Variants in CACNA1C observed in about 807,000 individuals in gnomAD.
CACNA1C encodes the protein voltage-dependent L-type calcium channel subunit alpha-1C.
Under a neutral mutation model 229.0 loss-of-function variants are expected in CACNA1C, and 30 were observed. That is an observed-to-expected ratio of 0.13 (90% CI 0.10 to 0.18). The LOEUF is 0.18. CACNA1C is among the 10% of genes least tolerant of loss of function. CACNA1C has a pLI of 1.00. For missense variants in CACNA1C, 1,658 were observed against 2,845.0 expected, an observed-to-expected ratio of 0.58 and a Z score of 9.49; for synonymous variants, 1,114 against 1,132.5, an observed-to-expected ratio of 0.98 and a Z score of 0.33.
intron 3 of CACNA1C, among the ~76,000 whole-genome samples, chr12:2,176,430 C>T (rs768263698): frequency 2.0e-5 from 3 of 152,066 alleles, no homozygotes; most frequent in African/African-American, 7.2e-5. Flanking sequence ...GTCTGACTCA[C>T]GTTTTTAAAG....
Position 2,442,002 on chromosome 12 carries a change from C to T in CACNA1C, c.478-6974C>T, listed in dbSNP as rs370238232. Among the ~76,000 whole-genome samples the T allele has an allele frequency of 1.8e-4, 28 of 152,300 alleles. 1 individual carries two copies. The South Asian group carries it at 4.6e-3, about 25-fold the overall frequency. ...TCTTTGCAGCACTGTAATTTTCTTA[C>T]GTCCTTTTGCACATGAGAAAATAGA... On this transcript the variant is annotated intron_variant, in intron 3 of 46. Transcript: ENST00000399655.
chr12:2,676,161 A>G (rs2096800366), intron 39 of CACNA1C: 1 of 152,234 alleles, frequency 6.6e-6, no homozygotes, highest in South Asian at 2.1e-4. Context: ...CTAGGACTCC[A>G]GGTAGGACTC....
intron 1 of CACNA1C, among the ~76,000 whole-genome samples, chr12:2,016,451 C>T (rs1199837550): frequency 2.6e-5 from 4 of 151,204 alleles, no homozygotes; most frequent in East Asian, 3.9e-4. Context: ...TTTTTTGAGA[C>T]GAAGTTTTAC....
chr12:2,631,689 C>G (rs1169490070), intron 29 of CACNA1C, among the ~76,000 whole-genome samples: 2 of 152,210 alleles, frequency 1.3e-5, no homozygotes, highest in African/African-American at 4.8e-5. Flanking sequence ...GGGAAGCCAA[C>G]AAGAAAGCCC....
chr12:2,512,742 C>G lies in CACNA1C; in HGVS notation c.1218-70C>G. 1.6e-6 allele frequency: 2 copies of G among 1,212,478 alleles called. No individual in the cohort carries two copies. Among genetic ancestry groups the G allele is most frequent in the Non-Finnish European group, 2.3e-6 (2 of 873,666 alleles). 75.1% of individuals were successfully genotyped at this position (1,212,478 alleles called of 1,614,324 possible). A position where few individuals can be genotyped will look rare whatever the true frequency, so the allele number is the denominator to read the frequency against. ...TCCTTATCTCCATCTCTCCTTCCAT[C>G]CTCGACCCTTCTCGGTGCTCCCTCC... On this transcript the variant is annotated intron_variant, in intron 8 of 46. Coordinates refer to ENST00000399655, the MANE Select transcript of CACNA1C (RefSeq NM_000719.7). The surrounding 1 kb of genome is among the most constrained non-coding windows in gnomAD (Gnocchi z 4.3).
chr12:2,184,653 T>G (rs991920957), intron 3 of CACNA1C, among the ~76,000 whole-genome samples: 3 of 152,200 alleles, frequency 2.0e-5, no homozygotes, highest in African/African-American at 7.2e-5. Flanking sequence ...TATTTCTTGC[T>G]TGTCAACCAT....
chr12:2,219,124 A>T (rs1310767918), intron 3 of CACNA1C, among the ~76,000 whole-genome samples: 3 of 152,234 alleles, frequency 2.0e-5, no homozygotes, highest in Non-Finnish European at 4.4e-5. Context: ...CCATCTCCAG[A>T]ACTGCTGTCC....
rs886702662 is a variant in CACNA1C at position 2,275,117 on chromosome 12, T to C, written c.477+154687T>C. On this transcript the variant is annotated intron_variant, in intron 3 of 46. Transcript: ENST00000399655. This position sits in a 1 kb window ranked among gnomAD's most constrained non-coding sequence, Gnocchi z 4.1. ...CTAACAGGTTTCCACATTTCTCTGC[T>C]GTCAGAATGGTTTTGTTTTCTGATT... Among the ~76,000 whole-genome samples, 3 of 152,248 alleles carry C rather than the reference T, an allele frequency of 2.0e-5. No homozygotes were observed. The East Asian group carries it at 5.8e-4, about 29-fold the overall frequency.
chr12:2,548,768 T>C (rs1051684416), intron 9 of CACNA1C, among the ~76,000 whole-genome samples: 1 of 152,166 alleles, frequency 6.6e-6, no homozygotes, highest in Non-Finnish European at 1.5e-5. Flanking sequence ...TCTATCAACA[T>C]TATCCATGCA....
Position 2,493,591 on chromosome 12 carries a change from C to A in CACNA1C, c.1113+205C>A, listed in dbSNP as rs926058405. On this transcript the variant is annotated intron_variant, in intron 7 of 46. Transcript: ENST00000399655. This position sits in a 1 kb window ranked among gnomAD's most constrained non-coding sequence, Gnocchi z 4.6. ...TTTCACCCTAACGAGTCCCCTCCCC[C>A]ACCCGCCAGCCTTAGGGGAAGGTCA... Among the ~76,000 whole-genome samples, 7 of 152,202 alleles carry A rather than the reference C, an allele frequency of 4.6e-5. No homozygotes were observed. The highest frequency in any genetic ancestry group is 1.3e-4 in the Admixed American group (2 of 15,282).
intron 30 of CACNA1C, among the ~76,000 whole-genome samples, chr12:2,636,413 A>G (rs1271397324): frequency 6.6e-6 from 1 of 152,246 alleles, no homozygotes; most frequent in Admixed American, 6.5e-5. Context: ...TATAAAATTT[A>G]TACAGAAAAG....
chr12:2,365,272 AAT>A (rs2097692553), intron 3 of CACNA1C, among the ~76,000 whole-genome samples: 1 of 152,202 alleles, frequency 6.6e-6, no homozygotes, highest in Non-Finnish European at 1.5e-5. Flanking sequence ...TTCTTTAAAC[AAT>A]AGTGTGTGTG....
At chr12:2,271,857 C>G (rs898229190) in intron 3 of CACNA1C, among the ~76,000 whole-genome samples, 1 of 152,272 alleles carries the variant, frequency 6.6e-6, no homozygotes, top group Non-Finnish European at 1.5e-5. Context: ...GATCACACCA[C>G]TGTACTCCAG....
chr12:2,695,927 A>C lies in CACNA1C; in HGVS notation c.*4728A>C, dbSNP rs375486841. ...CTACACAGACACACACCGTTAAGGC[A>C]CAAGGGCTGGGGTTGAGCTCTAGAT... is the stretch of plus-strand genomic sequence containing the variant. On this transcript the variant is annotated 3_prime_UTR_variant, in exon 47 of 47. Coordinates refer to ENST00000399655, the MANE Select transcript of CACNA1C (RefSeq NM_000719.7). 5.2e-5 allele frequency: 8 copies of C among 152,416 alleles called. No individual in the cohort carries two copies. Among genetic ancestry groups the C allele is most frequent in the African/African-American group, 1.9e-4 (8 of 41,568 alleles). The allele number at this position is 152,416 out of a possible 1,614,324, so 9.4% of individuals were successfully genotyped here.
At chr12:2,591,086 G>T (rs888305368) in intron 18 of CACNA1C, among the ~76,000 whole-genome samples, 4 of 152,164 alleles carry the variant, frequency 2.6e-5, no homozygotes, top group Admixed American at 2.6e-4. Context: ...TGTCTTGCTG[G>T]TCAGCTCTAA....
chr12:2,311,165 T>A (rs2095417837), intron 3 of CACNA1C, among the ~76,000 whole-genome samples: 1 of 152,196 alleles, frequency 6.6e-6, no homozygotes, highest in African/African-American at 2.4e-5. Flanking sequence ...TGTCACCTCA[T>A]CTCTGTCTTG....
At chr12:2,627,194 G>A (rs1030332603) in intron 29 of CACNA1C, among the ~76,000 whole-genome samples, 24 of 152,166 alleles carry the variant, frequency 1.6e-4, no homozygotes, top group African/African-American at 5.8e-4. Context: ...ATCACAGGAT[G>A]GGAGCTGACA....
rs1329240639 is a variant in CACNA1C, at chr12:2,630,488, G to T, written c.3829-3809G>T. Among the ~76,000 whole-genome samples the T allele has an allele frequency of 2.6e-5, 4 of 152,088 alleles. No individual in the cohort carries two copies. Among genetic ancestry groups the T allele is most frequent in the Admixed American group, 2.6e-4 (4 of 15,274 alleles). On this transcript the variant is annotated intron_variant, in intron 29 of 46. Coordinates refer to ENST00000399655, the MANE Select transcript of CACNA1C (RefSeq NM_000719.7). This position sits in a 1 kb window ranked among gnomAD's most constrained non-coding sequence, Gnocchi z 5.4. The stretch of plus-strand genomic sequence containing the variant: ...TTTCTGGGCAGGGTGTGGTCCAAGT[G>T]GGAGGAAGGGGCTGTTGAAATAGTG...
At chr12:2,302,111 T>C (rs2094605979) in intron 3 of CACNA1C, among the ~76,000 whole-genome samples, 1 of 152,206 alleles carries the variant, frequency 6.6e-6, no homozygotes, top group Non-Finnish European at 1.5e-5. Context: ...GGCTGGCTGA[T>C]TTTCGTGACT....
Sources: gnomAD v4.1 joint callset for allele counts (sites outside exome capture counted in the v4.1 genomes callset) on GRCh38, gnomAD v4.1.1 for gene constraint, Gnocchi (gnomAD v3.1) non-coding constraint, MANE v1.5 for transcripts, NCBI Gene and HGNC (gene_info 2026-07-23, HGNC 2026-07-21) for gene names.